The following KLKB1 variants were observed in gnomAD, a reference collection of about 807,000 sequenced individuals.
The protein encoded by KLKB1 is kallikrein B1.
In KLKB1, 58 loss-of-function variants were observed where a neutral mutation model predicts 73.6. That is an observed-to-expected ratio of 0.79 (90% CI 0.64 to 0.98). KLKB1 has a LOEUF of 0.98. Ranked by LOEUF, KLKB1 falls within the 50% of genes least tolerant of loss-of-function variation. KLKB1 has a pLI of 0.00. For missense variants in KLKB1, 737 were observed against 763.8 expected, an observed-to-expected ratio of 0.96 and a Z score of 0.41; for synonymous variants, 280 against 258.1, an observed-to-expected ratio of 1.08 and a Z score of -0.81.
intron 2 of KLKB1, among the ~76,000 whole-genome samples, chr4:186,220,014 G>C (rs777260474): frequency 1.3e-5 from 2 of 152,060 alleles, no homozygotes; most frequent in Middle Eastern, 3.2e-3. Flanking sequence ...AAGTGTCCAG[G>C]TGGCAAGCTT....
At chr4:186,255,427 T>A (rs576415506) in intron 12 of KLKB1, among the ~76,000 whole-genome samples, 1 of 152,038 alleles carries the variant, frequency 6.6e-6, no homozygotes, top group Non-Finnish European at 1.5e-5. Context: ...ATTAACTGGG[T>A]GTGGTGGTGT....
chr4:186,211,870 T>G (rs1281409394), intron 2 of KLKB1: 3 of 152,188 alleles, frequency 2.0e-5, no homozygotes, highest in Non-Finnish European at 4.4e-5. Flanking sequence ...TTACAGTTTT[T>G]CTTTTGATCG....
chr4:186,242,032 A>C (rs1233155504), intron 6 of KLKB1, among the ~76,000 whole-genome samples: 1 of 152,190 alleles, frequency 6.6e-6, no homozygotes, highest in African/African-American at 2.4e-5. Context: ...ACCTGGGTGC[A>C]GGCAGGCTGA....
At chr4:186,230,667 C>T (rs1185346979) in intron 2 of KLKB1, among the ~76,000 whole-genome samples, 2 of 152,156 alleles carry the variant, frequency 1.3e-5, no homozygotes, top group African/African-American at 4.8e-5. Context: ...AAATTGGTGT[C>T]TTTCTAGTCA....
At chr4:186,249,511 A>C (rs1273251583) in intron 6 of KLKB1, among the ~76,000 whole-genome samples, 2 of 152,172 alleles carry the variant, frequency 1.3e-5, no homozygotes, top group Non-Finnish European at 2.9e-5. Flanking sequence ...AGTCTTGATT[A>C]CCATAACTTT....
rs1737237532 is a variant in KLKB1 at position 186,228,221 on chromosome 4, A to G, written c.26A>G (p.Tyr9Cys). ...ATGATTTTATTCAAGCAAGCAACTT[A>G]TTTCATTTCCTTGTTTGCTACAGTT... MILFKQAT[Y>C]FISLFATVSC... is the part of the protein sequence containing the mutation. Residue 9 changes from tyrosine (Y) to cysteine (C), a missense_variant, in exon 2 of 15, where the codon TAT becomes TGT. Tyr to Cys is a radical substitution (Grantham distance 194). Transcript: ENST00000264690. 1 of 1,590,958 alleles carries G rather than the reference A, an allele frequency of 6.3e-7. No homozygotes were observed. Among genetic ancestry groups the G allele is most frequent in the Non-Finnish European group, 8.6e-7 (1 of 1,159,104 alleles).
Position 186,254,570 on chromosome 4 carries a change from T to A in KLKB1, c.1314-18T>A. The A allele has an allele frequency of 1.2e-6, 2 of 1,610,376 alleles. No homozygotes were observed. Among genetic ancestry groups the A allele is most frequent in the Non-Finnish European group, 1.7e-6 (2 of 1,176,596 alleles). ...AGGACTGCCCAGTTTCAAACAGGTATTTATTTTTCTCTCCTAGGCTTCCCC... is the reference window on the plus strand; with the variant it reads ...AGGACTGCCCAGTTTCAAACAGGTAATTATTTTTCTCTCCTAGGCTTCCCC... On this transcript the variant is annotated intron_variant, in intron 11 of 14. Coordinates refer to ENST00000264690, the MANE Select transcript of KLKB1 (RefSeq NM_000892.5).
At chr4:186,219,147 C>T (rs1671700440) in intron 2 of KLKB1, among the ~76,000 whole-genome samples, 1 of 152,116 alleles carries the variant, frequency 6.6e-6, no homozygotes, top group Non-Finnish European at 1.5e-5. Flanking sequence ...ATGGTGCCCA[C>T]CCAGATTGAG....
At chr4:186,244,175 T>G (rs1580013092) in intron 6 of KLKB1, among the ~76,000 whole-genome samples, 1 of 152,078 alleles carries the variant, frequency 6.6e-6, no homozygotes, top group African/African-American at 2.4e-5. Context: ...TAGGGCTGTT[T>G]TTAAGGAATG....
At chr4:186,226,824 C>T (rs1380617690), upstream of KLKB1, among the ~76,000 whole-genome samples, 1 of 152,088 alleles carries the variant, frequency 6.6e-6, no homozygotes, top group Non-Finnish European at 1.5e-5. Context: ...CCCATGGGTG[C>T]CAACTTGGAG....
At chr4:186,215,983 TG>T (rs1736892336) in intron 2 of KLKB1, among the ~76,000 whole-genome samples, 1 of 152,228 alleles carries the variant, frequency 6.6e-6, no homozygotes, top group African/African-American at 2.4e-5. Flanking sequence ...AGGCAAGGAC[TG>T]CAGTGTCTCA....
chr4:186,239,595 C>T (rs866169757), intron 6 of KLKB1, among the ~76,000 whole-genome samples: 21 of 123,622 alleles, frequency 1.7e-4, no homozygotes, highest in African/African-American at 3.2e-4. Context: ...GACAGTGATA[C>T]TGTTATAGTT....
intron 2 of KLKB1, among the ~76,000 whole-genome samples, chr4:186,215,348 CCT>C (rs370987330): frequency 7.7e-4 from 59 of 76,394 alleles, no homozygotes; most frequent in Admixed American, 2.3e-3. Context: ...CTCTTTCTTT[CCT>C]TCTTTCTTTC....
intron 2 of KLKB1, among the ~76,000 whole-genome samples, chr4:186,213,731 G>C (rs1191617665): frequency 6.6e-6 from 1 of 152,146 alleles, no homozygotes; most frequent in Non-Finnish European, 1.5e-5. Context: ...GACAGCTGGG[G>C]ATATCAGTTT....
chr4:186,258,255 A>C lies in KLKB1; in HGVS notation c.*43A>C. 6.4e-7 allele frequency: 1 copy of C among 1,558,596 alleles called. No individual in the cohort carries two copies. The highest frequency in any genetic ancestry group is 8.8e-7 in the Non-Finnish European group (1 of 1,137,302). Reference sequence around the variant, plus strand: ...AGGCAATTTTTACAACCTGAGTTCAAGTCAAATTCTGAGCCTGGGGGGTCC... The same window carrying C: ...AGGCAATTTTTACAACCTGAGTTCACGTCAAATTCTGAGCCTGGGGGGTCC... On this transcript the variant is annotated 3_prime_UTR_variant, in exon 15 of 15. Transcript: ENST00000264690.
intron 11 of KLKB1, among the ~76,000 whole-genome samples, chr4:186,253,449 G>C (rs1738817780): frequency 6.6e-6 from 1 of 152,182 alleles, no homozygotes; most frequent in Non-Finnish European, 1.5e-5. Context: ...TGACTTTAAG[G>C]TGGTTGGCCT....
chr4:186,245,817 TTTTTTGG>T, intron 6 of KLKB1, among the ~76,000 whole-genome samples: 1 of 113,806 alleles, frequency 8.8e-6, no homozygotes, highest in African/African-American at 3.0e-5. Context: ...TTTTTGTTTG[TTTTTTGG>T]TTTTTTTTTT....
At chr4:186,248,595 A>ATTTTTTTTTTTTTTT (rs138717531) in intron 6 of KLKB1, among the ~76,000 whole-genome samples, 12 of 114,908 alleles carry the variant, frequency 1.0e-4, no homozygotes, top group East Asian at 2.7e-4. Context: ...TTGTTTCTGG[A>ATTTTTTTTTTTTTTT]TTTTTTTTTT....
upstream of KLKB1, among the ~76,000 whole-genome samples, chr4:186,223,894 A>G (rs1737085118): frequency 6.6e-6 from 1 of 152,218 alleles, no homozygotes; most frequent in Admixed American, 6.5e-5. Context: ...TCTTCAAGGC[A>G]GCCCCTCCCA....
Sources: gnomAD v4.1 joint callset for allele counts (sites outside exome capture counted in the v4.1 genomes callset) on GRCh38, gnomAD v4.1.1 for gene constraint, MANE v1.5 for transcripts, NCBI Gene and HGNC (gene_info 2026-07-23, HGNC 2026-07-21) for gene names.